ADAMTSL1: variants seen among roughly 807,000 people sequenced by gnomAD.
ADAMTSL1 encodes the protein ADAMTS-like protein 1.
A neutral mutation model predicts 201.8 loss-of-function variants in ADAMTSL1; 126 were observed. The ratio of observed to expected loss-of-function variants is 0.62; its 90% CI spans 0.54 to 0.72. The LOEUF (loss-of-function observed/expected upper bound fraction) is 0.72, where lower values mean the gene tolerates loss of function less well. Ranked by LOEUF, ADAMTSL1 falls within the 30% of genes least tolerant of loss-of-function variation. The pLI is 0.00. For missense variants in ADAMTSL1, 2,679 were observed against 2,277.8 expected (o/e 1.18, Z -3.59); for synonymous variants, 1,121 against 903.4 (o/e 1.24, Z -4.32).
intron 2 of ADAMTSL1, among the ~76,000 whole-genome samples, chr9:18,522,581 C>CCCT (rs1322047484): frequency 3.2e-5 from 4 of 126,256 alleles, no homozygotes; most frequent in South Asian, 2.8e-4. Context: ...CTAATGCTAT[C>CCCT]CCGCCCCCCT....
chr9:18,310,591 A>T (rs1247560036), intron 2 of ADAMTSL1, among the ~76,000 whole-genome samples: 1 of 152,158 alleles, frequency 6.6e-6, no homozygotes, highest in Non-Finnish European at 1.5e-5. Flanking sequence ...TGGCCAACAA[A>T]TATATGAAAA....
At chr9:18,035,337 T>C (rs979639156) in intron 1 of ADAMTSL1, among the ~76,000 whole-genome samples, 3 of 152,204 alleles carry the variant, frequency 2.0e-5, no homozygotes, top group African/African-American at 2.4e-5. Flanking sequence ...TGTGCTTCAA[T>C]TGAAGTGGAC....
chr9:18,181,222 A>C (rs892717685), intron 2 of ADAMTSL1, among the ~76,000 whole-genome samples: 5 of 152,384 alleles, frequency 3.3e-5, no homozygotes, highest in South Asian at 2.1e-4. Flanking sequence ...GGACATAGGC[A>C]TGGGCAAGGA....
At chr9:18,063,040 AG>A (rs1298510873) in intron 1 of ADAMTSL1, among the ~76,000 whole-genome samples, 1 of 152,162 alleles carries the variant, frequency 6.6e-6, no homozygotes, top group African/African-American at 2.4e-5. Context: ...ATTACAAAAA[AG>A]TTTGTTGCCG....
chr9:18,096,505 G>T (rs1400227508), intron 1 of ADAMTSL1, among the ~76,000 whole-genome samples: 1 of 152,180 alleles, frequency 6.6e-6, no homozygotes. Flanking sequence ...GTAGGAGATG[G>T]GGGTGGTGGA....
At chr9:18,876,787 T>G (rs1167887750) in intron 23 of ADAMTSL1, among the ~76,000 whole-genome samples, 1 of 152,226 alleles carries the variant, frequency 6.6e-6, no homozygotes, top group Non-Finnish European at 1.5e-5. Context: ...TGTATTTGGA[T>G]GTCTAGATGT....
intron 9 of ADAMTSL1, among the ~76,000 whole-genome samples, chr9:18,664,993 A>C (rs1418348376): frequency 6.6e-6 from 1 of 152,084 alleles, no homozygotes; most frequent in Non-Finnish European, 1.5e-5. Flanking sequence ...GATTCACACT[A>C]AGTTAAATTA....
chr9:18,006,570 T>C (rs1420703198), intron 1 of ADAMTSL1, among the ~76,000 whole-genome samples: 1 of 151,970 alleles, frequency 6.6e-6, no homozygotes, highest in Admixed American at 6.6e-5. Flanking sequence ...AAAATGCCAA[T>C]GTAAAACCAA....
At chr9:17,919,561 A>C (rs1315468038) in intron 1 of ADAMTSL1, among the ~76,000 whole-genome samples, 1 of 152,120 alleles carries the variant, frequency 6.6e-6, no homozygotes, top group Non-Finnish European at 1.5e-5. Context: ...GTATCAATGG[A>C]ATTATATAAT....
intron 1 of ADAMTSL1, among the ~76,000 whole-genome samples, chr9:17,933,877 G>A (rs1826899219): frequency 6.6e-6 from 1 of 152,128 alleles, no homozygotes; most frequent in African/African-American, 2.4e-5. Flanking sequence ...AGATTTTGGT[G>A]GGGACACAAA....
intron 1 of ADAMTSL1, among the ~76,000 whole-genome samples, chr9:18,024,139 AAT>A (rs1185115680): frequency 2.0e-5 from 3 of 152,084 alleles, no homozygotes; most frequent in African/African-American, 7.2e-5. Context: ...TATTGGTAAA[AAT>A]GGATTGATAT....
chr9:18,536,944 C>G (rs1819811569), intron 3 of ADAMTSL1, among the ~76,000 whole-genome samples: 1 of 152,006 alleles, frequency 6.6e-6, no homozygotes, highest in Non-Finnish European at 1.5e-5. Flanking sequence ...TTGCACTATC[C>G]TTAAGGTTCA....
intron 21 of ADAMTSL1, among the ~76,000 whole-genome samples, chr9:18,819,214 G>T (rs1191588963): frequency 6.6e-6 from 1 of 152,134 alleles, no homozygotes; most frequent in Non-Finnish European, 1.5e-5. Flanking sequence ...ACAGCACTTT[G>T]GGGGGCCAAG....
intron 9 of ADAMTSL1, among the ~76,000 whole-genome samples, chr9:18,670,424 T>C (rs553385082): frequency 7.9e-5 from 12 of 152,316 alleles, no homozygotes; most frequent in Middle Eastern, 3.4e-3. Flanking sequence ...GTCCTTTCTC[T>C]GCTCACATCA....
At chr9:18,688,866 T>G (rs977876670) in intron 13 of ADAMTSL1, among the ~76,000 whole-genome samples, 2 of 150,166 alleles carry the variant, frequency 1.3e-5, no homozygotes, top group Non-Finnish European at 3.0e-5. Flanking sequence ...GAGAGTTCCA[T>G]TTTTCCGAGG....
intron 14 of ADAMTSL1, among the ~76,000 whole-genome samples, chr9:18,714,131 C>G (rs1231913500): frequency 6.6e-6 from 1 of 152,078 alleles, no homozygotes; most frequent in Non-Finnish European, 1.5e-5. Context: ...GCACTAAATG[C>G]CCACAAGAGA....
chr9:18,750,938 C>T (rs1004219285), intron 15 of ADAMTSL1, among the ~76,000 whole-genome samples: 4 of 152,296 alleles, frequency 2.6e-5, no homozygotes, highest in Admixed American at 1.3e-4. Context: ...CTCATGACAT[C>T]GTGGCTGGCT....
At chr9:18,040,453 G>A (rs1208799718) in intron 1 of ADAMTSL1, among the ~76,000 whole-genome samples, 1 of 152,168 alleles carries the variant, frequency 6.6e-6, no homozygotes. Context: ...ATGCATGCAA[G>A]GTGCATAAAA....
chr9:17,922,277 C>A (rs1435984363), intron 1 of ADAMTSL1, among the ~76,000 whole-genome samples: 1 of 152,056 alleles, frequency 6.6e-6, no homozygotes, highest in Non-Finnish European at 1.5e-5. Flanking sequence ...TTCAGTTCTG[C>A]TCATGACCAT....
Sources: allele counts gnomAD v4.1 joint callset (sites outside exome capture counted in the v4.1 genomes callset), GRCh38; gene constraint gnomAD v4.1.1; transcripts MANE v1.5; gene names NCBI Gene and HGNC (gene_info 2026-07-23, HGNC 2026-07-21).